PGBD5: variants seen among roughly 807,000 people sequenced by gnomAD.
The protein encoded by PGBD5 is piggyBac transposable element derived 5.
A neutral mutation model predicts 47.9 loss-of-function variants in PGBD5; 14 were observed. The ratio of observed to expected loss-of-function variants is 0.29; its 90% confidence interval spans 0.19 to 0.46. The LOEUF (loss-of-function observed/expected upper bound fraction) is 0.46, where lower values mean the gene tolerates loss of function less well. PGBD5 is among the 20% of genes least tolerant of loss of function. The probability of loss-of-function intolerance (pLI) is 1.00; values close to 1 mark genes in which losing one functional copy is unlikely to be tolerated. For synonymous variants in PGBD5, 316 were observed against 306.3 expected (o/e 1.03, Z -0.33); for missense variants, 635 against 716.0 (o/e 0.89, Z 1.29).
intron 1 of PGBD5, among the ~76,000 whole-genome samples, chr1:230,380,501 G>T (rs1277777099): frequency 2.0e-5 from 3 of 152,110 alleles, no homozygotes; most frequent in African/African-American, 7.2e-5. Context: ...TACCGTCTTG[G>T]GCAGAACCAG....
At chr1:230,405,439 T>A (rs1396188569) in intron 1 of PGBD5, among the ~76,000 whole-genome samples, 1 of 152,220 alleles carries the variant, frequency 6.6e-6, no homozygotes, top group Non-Finnish European at 1.5e-5. Flanking sequence ...TGATTTTTCT[T>A]CATAATATTT....
In PGBD5 at chr1:230,314,609, A is replaced by G. The variant is rs950025695; in HGVS notation, c.*8816T>C. 1.8e-5 allele frequency: 2 copies of G among 112,106 alleles called. No individual in the cohort carries two copies. Among genetic ancestry groups the G allele is most frequent in the Admixed American group, 1.1e-4 (1 of 9,254 alleles). The allele number at this position is 112,106 out of a possible 1,614,324, so 6.9% of individuals were successfully genotyped here. Reference sequence around the variant, plus strand: ...TTTTTTTTTTTTTTTTTTTTTTGCCACATTTCACATTTGAGAACCCAGAAT... The same window carrying G: ...TTTTTTTTTTTTTTTTTTTTTTGCCGCATTTCACATTTGAGAACCCAGAAT... On this transcript the variant is annotated 3_prime_UTR_variant, in exon 7 of 7. Coordinates refer to ENST00000391860, the MANE Select transcript of PGBD5 (RefSeq NM_001258311.2).
rs1412323408 is a variant in PGBD5 at position 230,317,229 on chromosome 1, C to A, written c.*6196G>T. ...ACGTTGGGGTAACACGTGCCCAGTT[C>A]TTAGCACAATGCCTGGCCTGTAGCA... On this transcript the variant is annotated 3_prime_UTR_variant, in exon 7 of 7. Transcript: ENST00000391860. 1.3e-5 allele frequency: 2 copies of A among 152,312 alleles called. No individual in the cohort carries two copies. Among genetic ancestry groups the A allele is most frequent in the Non-Finnish European group, 2.9e-5 (2 of 68,094 alleles). The allele number at this position is 152,312 out of a possible 1,614,324, so 9.4% of individuals were successfully genotyped here.
chr1:230,353,451 T>G (rs758467018), intron 2 of PGBD5, among the ~76,000 whole-genome samples: 1 of 152,102 alleles, frequency 6.6e-6, no homozygotes, highest in Non-Finnish European at 1.5e-5. Context: ...CCCAGCTGCT[T>G]TGGTCATTGC....
At chr1:230,336,618 C>G (rs1667328167) in intron 4 of PGBD5, among the ~76,000 whole-genome samples, 2 of 152,182 alleles carry the variant, frequency 1.3e-5, no homozygotes, top group African/African-American at 4.8e-5. Context: ...CCAGTCTTTG[C>G]CATGCATGCA....
chr1:230,395,353 C>A (rs111214036), intron 1 of PGBD5, among the ~76,000 whole-genome samples: 3,849 of 28,612 alleles, frequency 0.13, 662 homozygotes, highest in South Asian at 0.28. Flanking sequence ...TCCTCTCACT[C>A]CCAACACCCT....
chr1:230,371,491 C>A (rs1449771217), intron 1 of PGBD5, among the ~76,000 whole-genome samples: 1 of 152,168 alleles, frequency 6.6e-6, no homozygotes, highest in South Asian at 2.1e-4. Flanking sequence ...AAGGTTACTG[C>A]CACTTGGCTC....
chr1:230,391,537 G>A (rs1022234106), intron 1 of PGBD5, among the ~76,000 whole-genome samples: 2 of 152,152 alleles, frequency 1.3e-5, no homozygotes, highest in East Asian at 1.9e-4. Context: ...CAAAGCAAAC[G>A]TCAAATCAGA....
intron 1 of PGBD5, chr1:230,362,441 G>T: frequency 7.9e-7 from 1 of 1,265,918 alleles, no homozygotes; most frequent in South Asian, 1.3e-5. Context: ...ACCGTGGCAA[G>T]CTCTTTCCCG....
At chr1:230,415,481 T>A (rs1443259204) in intron 1 of PGBD5, among the ~76,000 whole-genome samples, 1 of 152,186 alleles carries the variant, frequency 6.6e-6, no homozygotes, top group Admixed American at 6.5e-5. Context: ...CCATTTGCAG[T>A]TGCTTTTGCC....
At chr1:230,377,587 T>G in intron 1 of PGBD5, 2 of 1,591,618 alleles carry the variant, frequency 1.3e-6, no homozygotes, top group Non-Finnish European at 8.6e-7. Context: ...GAGAGTACTT[T>G]GCACGAAGAG....
rs1371723156 is a variant in PGBD5 at position 230,426,086 on chromosome 1, C to T, written c.-158G>A. The T allele has an allele frequency of 9.6e-6, 2 of 208,036 alleles. No individual in the cohort carries two copies. Among genetic ancestry groups the T allele is most frequent in the African/African-American group, 4.8e-5 (2 of 41,598 alleles). The allele number at this position is 208,036 out of a possible 1,614,324, so 12.9% of individuals were successfully genotyped here. A position where few individuals can be genotyped will look rare whatever the true frequency, so the allele number is the denominator to read the frequency against. On this transcript the variant is annotated 5_prime_UTR_variant, in exon 1 of 7. Transcript: ENST00000391860. ...GGCCGGCCCGCCGTCTTGGCCGCCTCGGGCCCAGCGCCCGGGGAAGCGCCC... is the reference window on the plus strand; with the variant it reads ...GGCCGGCCCGCCGTCTTGGCCGCCTTGGGCCCAGCGCCCGGGGAAGCGCCC...
chr1:230,405,491 T>C (rs1290806114), intron 1 of PGBD5, among the ~76,000 whole-genome samples: 2 of 152,254 alleles, frequency 1.3e-5, no homozygotes, highest in Non-Finnish European at 2.9e-5. Flanking sequence ...ATAATACACA[T>C]AACATACAAA....
At chr1:230,347,446 G>T (rs185973740) in intron 3 of PGBD5, among the ~76,000 whole-genome samples, 2 of 151,918 alleles carry the variant, frequency 1.3e-5, no homozygotes, top group Non-Finnish European at 2.9e-5. Context: ...CCTTTTTCTC[G>T]GGGCACAGCA....
At chr1:230,334,741 G>A (rs1442171686) in intron 4 of PGBD5, among the ~76,000 whole-genome samples, 1 of 152,188 alleles carries the variant, frequency 6.6e-6, no homozygotes, top group Non-Finnish European at 1.5e-5. Context: ...GACGCCCTGG[G>A]TGAAGAGCTC....
intron 1 of PGBD5, among the ~76,000 whole-genome samples, chr1:230,381,603 C>T (rs544354528): frequency 1.3e-5 from 2 of 152,360 alleles, no homozygotes; most frequent in African/African-American, 4.8e-5. Flanking sequence ...ATGAGAAAAC[C>T]ACCCACTACT....
intron 1 of PGBD5, among the ~76,000 whole-genome samples, chr1:230,419,922 T>A (rs963090179): frequency 1.3e-5 from 2 of 152,028 alleles, no homozygotes; most frequent in Non-Finnish European, 2.9e-5. Flanking sequence ...GGTAAGGAGT[T>A]CAAGACCAGC....
At chr1:230,326,691 G>A (rs1337489460) in intron 5 of PGBD5, among the ~76,000 whole-genome samples, 1 of 152,046 alleles carries the variant, frequency 6.6e-6, no homozygotes, top group Non-Finnish European at 1.5e-5. Flanking sequence ...GCCTAGGCTG[G>A]TCTCAAACTC....
chr1:230,345,132 T>G (rs1667457470), intron 3 of PGBD5, among the ~76,000 whole-genome samples: 1 of 152,170 alleles, frequency 6.6e-6, no homozygotes, highest in Non-Finnish European at 1.5e-5. Flanking sequence ...TTTTTTCTCC[T>G]CCAAAGAATC....
Sources: gnomAD v4.1 joint callset for allele counts (sites outside exome capture counted in the v4.1 genomes callset) on GRCh38, gnomAD v4.1.1 for gene constraint, MANE v1.5 for transcripts, NCBI Gene and HGNC (gene_info 2026-07-23, HGNC 2026-07-21) for gene names.